Variants in CELF4 observed in about 807,000 individuals in gnomAD.
CELF4 encodes the protein CUG-BP- and ETR-3-like factor 4.
Under a neutral mutation model 59.9 loss-of-function variants are expected in CELF4, and 18 were observed. That is an observed-to-expected ratio of 0.30 (90% CI 0.21 to 0.45). CELF4 has a LOEUF of 0.45. Among genes scored for constraint, CELF4 ranks in the 20% least tolerant of loss-of-function variants. The pLI is 1.00. For synonymous variants in CELF4, 261 were observed against 267.1 expected (o/e 0.98, Z 0.22); for missense variants, 456 against 689.0 (o/e 0.66, Z 3.79).
chr18:37,506,779 G>A (rs1353934105), intron 1 of CELF4, among the ~76,000 whole-genome samples: 2 of 152,230 alleles, frequency 1.3e-5, no homozygotes, highest in Non-Finnish European at 2.9e-5. Flanking sequence ...CTGGGAAATG[G>A]GGGGAAGCAT....
chr18:37,312,754 C>A (rs1467424839), intron 3 of CELF4, among the ~76,000 whole-genome samples: 2 of 152,120 alleles, frequency 1.3e-5, no homozygotes, highest in Non-Finnish European at 2.9e-5. Context: ...CTCCTGCCCA[C>A]CCCCCAGGCC....
chr18:37,306,970 G>A (rs2096444184), intron 3 of CELF4, among the ~76,000 whole-genome samples: 1 of 152,202 alleles, frequency 6.6e-6, no homozygotes, highest in Non-Finnish European at 1.5e-5. Flanking sequence ...GAGGGGAGAG[G>A]AGCCACGTTT....
intron 1 of CELF4, among the ~76,000 whole-genome samples, chr18:37,501,481 C>T (rs1463268938): frequency 2.0e-5 from 3 of 152,210 alleles, no homozygotes; most frequent in African/African-American, 7.2e-5. Flanking sequence ...ATTGCTCAGC[C>T]CTGGCCTGGG....
intron 2 of CELF4, among the ~76,000 whole-genome samples, chr18:37,366,897 C>T (rs781159371): frequency 7.9e-5 from 12 of 152,178 alleles, no homozygotes; most frequent in Non-Finnish European, 1.3e-4. Flanking sequence ...CCCATCTACC[C>T]GTGCCCCATG....
chr18:37,531,675 G>A (rs2099969725), intron 1 of CELF4, among the ~76,000 whole-genome samples: 1 of 152,216 alleles, frequency 6.6e-6, no homozygotes, highest in Non-Finnish European at 1.5e-5. Context: ...CTTTGGAGGT[G>A]AGAAGTTTGG....
chr18:37,533,802 C>T (rs190814578), intron 1 of CELF4, among the ~76,000 whole-genome samples: 44 of 152,292 alleles, frequency 2.9e-4, no homozygotes, highest in African/African-American at 9.9e-4. Flanking sequence ...GGGAGAAATT[C>T]GGGGGATGGG....
intron 2 of CELF4, among the ~76,000 whole-genome samples, chr18:37,388,257 G>A (rs1039013084): frequency 6.6e-6 from 1 of 152,104 alleles, no homozygotes; most frequent in Non-Finnish European, 1.5e-5. Flanking sequence ...CAGAAGTCAT[G>A]CACCATTGCG....
intron 2 of CELF4, among the ~76,000 whole-genome samples, chr18:37,485,127 CG>C (rs2099878038): frequency 6.6e-6 from 1 of 152,154 alleles, no homozygotes; most frequent in South Asian, 2.1e-4. Flanking sequence ...AAATAAACCG[CG>C]GTGATCTCAC....
chr18:37,467,852 G>A (rs376717365), intron 2 of CELF4, among the ~76,000 whole-genome samples: 4 of 152,172 alleles, frequency 2.6e-5, no homozygotes, highest in East Asian at 3.8e-4. Flanking sequence ...CTGTGTGTTC[G>A]TGTGCCCACA....
chr18:37,457,730 C>T (rs1258923031), intron 2 of CELF4, among the ~76,000 whole-genome samples: 1 of 152,166 alleles, frequency 6.6e-6, no homozygotes, highest in African/African-American at 2.4e-5. Flanking sequence ...CCTGTTCCAT[C>T]CTCTGAGCCC....
intron 2 of CELF4, among the ~76,000 whole-genome samples, chr18:37,393,786 AGGT>A (rs1400334176): frequency 6.6e-6 from 1 of 151,720 alleles, no homozygotes; most frequent in Non-Finnish European, 1.5e-5. Flanking sequence ...CAATCTCTGA[AGGT>A]GCGGAGCACA....
chr18:37,470,887 T>TGTGA (rs1325788685), intron 2 of CELF4, among the ~76,000 whole-genome samples: 57 of 71,968 alleles, frequency 7.9e-4, no homozygotes, highest in African/African-American at 2.4e-3. Context: ...TGTGTGTGTG[T>TGTGA]GACAGAGAGA....
rs142755195 is a variant in CELF4, at chr18:37,458,582, G to A, written c.369+26943C>T. 9.4e-3 allele frequency among the ~76,000 whole-genome samples: 1,426 copies of A among 152,304 alleles called. 22 individuals carry two copies. The highest frequency in any genetic ancestry group is 0.032 in the African/African-American group (1,327 of 41,550). On this transcript the variant is annotated intron_variant, in intron 2 of 12. Coordinates refer to ENST00000420428, the MANE Select transcript of CELF4 (RefSeq NM_020180.4). ...CAGTATCTCTGTTATAACTTGTAGA[G>A]CTCATCCCTGCCGGCTGACATTTGT...
At chr18:37,308,794 A>G (rs1434704419) in intron 3 of CELF4, among the ~76,000 whole-genome samples, 1 of 152,154 alleles carries the variant, frequency 6.6e-6, no homozygotes, top group Non-Finnish European at 1.5e-5. Flanking sequence ...GCTGACCTCT[A>G]GATTTCTGCA....
intron 2 of CELF4, among the ~76,000 whole-genome samples, chr18:37,442,915 T>C (rs377404351): frequency 4.9e-4 from 75 of 152,310 alleles, no homozygotes; most frequent in African/African-American, 1.7e-3. Flanking sequence ...CCAACCACAC[T>C]GCCTTCTGGG....
chr18:37,315,113 T>C (rs938477176), intron 3 of CELF4, among the ~76,000 whole-genome samples: 1 of 152,180 alleles, frequency 6.6e-6, no homozygotes, highest in Admixed American at 6.5e-5. Context: ...TCTTTCTTGC[T>C]GTGTTCCCTC....
intron 2 of CELF4, among the ~76,000 whole-genome samples, chr18:37,461,276 A>G (rs2099792745): frequency 6.6e-6 from 1 of 152,200 alleles, no homozygotes. Flanking sequence ...TAATAAAGAC[A>G]TACCTAAGAC....
At chr18:37,273,996 C>G in intron 6 of CELF4, 1 of 1,194,924 alleles carries the variant, frequency 8.4e-7, no homozygotes, top group Non-Finnish European at 1.0e-6. Context: ...TCTGTGCTTC[C>G]TGGGGTTCAA....
intron 1 of CELF4, among the ~76,000 whole-genome samples, chr18:37,539,178 C>G (rs1193271929): frequency 6.6e-6 from 1 of 152,226 alleles, no homozygotes; most frequent in Non-Finnish European, 1.5e-5. Context: ...TAATAGCTCA[C>G]AGTGTGCTGG....
Sources: allele counts gnomAD v4.1 joint callset (sites outside exome capture counted in the v4.1 genomes callset), GRCh38; gene constraint gnomAD v4.1.1; transcripts MANE v1.5; gene names NCBI Gene and HGNC (gene_info 2026-07-23, HGNC 2026-07-21).